Variants in SDK1 observed in about 807,000 individuals in gnomAD.
SDK1 encodes sidekick cell adhesion molecule 1, also known as protein sidekick-1.
Under a neutral mutation model 245.5 loss-of-function variants are expected in SDK1, and 157 were observed. The observed-to-expected ratio is 0.64, with a 90% confidence interval of 0.56 to 0.73. The LOEUF (loss-of-function observed/expected upper bound fraction) is 0.73, where lower values mean the gene tolerates loss of function less well. Among genes scored for constraint, SDK1 ranks in the 30% least tolerant of loss-of-function variants. The pLI is 0.00. For synonymous variants in SDK1, 1,647 were observed against 1,278.5 expected (o/e 1.29, Z -6.15); for missense variants, 3,583 against 3,002.3 (o/e 1.19, Z -4.52).
At chr7:3,576,372 G>A (rs1562574808) in intron 1 of SDK1, among the ~76,000 whole-genome samples, 1 of 152,112 alleles carries the variant, frequency 6.6e-6, no homozygotes, top group South Asian at 2.1e-4. Context: ...CCATCTGCAA[G>A]TGAGATAAGC....
At chr7:3,636,650 ATGC>A (rs1433180519) in intron 2 of SDK1, among the ~76,000 whole-genome samples, 9 of 152,182 alleles carry the variant, frequency 5.9e-5, no homozygotes, top group African/African-American at 2.2e-4. Context: ...ATTGTGGATA[ATGC>A]TGCAGTAGAC....
intron 1 of SDK1, among the ~76,000 whole-genome samples, chr7:3,410,622 T>C (rs1255966993): frequency 6.9e-6 from 1 of 145,582 alleles, no homozygotes; most frequent in Non-Finnish European, 1.5e-5. Context: ...AGTCTTGCTC[T>C]GTCGCCTAGG....
intron 17 of SDK1, among the ~76,000 whole-genome samples, chr7:4,033,827 A>G (rs1302923870): frequency 7.9e-5 from 12 of 152,346 alleles, no homozygotes; most frequent in Non-Finnish European, 1.8e-4. Context: ...GGGAAGAGGC[A>G]TTGCTGCTAG....
chr7:3,706,318 T>C lies in SDK1; in HGVS notation c.713+64213T>C, dbSNP rs189176615. Among the ~76,000 whole-genome samples the C allele has an allele frequency of 1.3e-3, 198 of 152,344 alleles. 1 individual carries two copies. Among genetic ancestry groups the C allele is most frequent in the African/African-American group, 4.6e-3 (193 of 41,580 alleles). On this transcript the variant is annotated intron_variant, in intron 4 of 44. Coordinates refer to ENST00000404826, the MANE Select transcript of SDK1 (RefSeq NM_152744.4). ...GGAGGATTCCCTCTTTCTCAGTCTTTTGGAATAGTTTCAGTAGGATTGGCA... is the reference window on the plus strand; with the variant it reads ...GGAGGATTCCCTCTTTCTCAGTCTTCTGGAATAGTTTCAGTAGGATTGGCA...
intron 1 of SDK1, among the ~76,000 whole-genome samples, chr7:3,454,844 G>A (rs997066927): frequency 1.3e-5 from 2 of 152,088 alleles, no homozygotes; most frequent in Non-Finnish European, 2.9e-5. Context: ...TCTAGGATCT[G>A]TGCCCAAGTG....
At chr7:3,979,567 A>G (rs192783487) in intron 13 of SDK1, among the ~76,000 whole-genome samples, 4 of 152,248 alleles carry the variant, frequency 2.6e-5, no homozygotes, top group South Asian at 2.1e-4. Flanking sequence ...CTTTTGCCCT[A>G]CTGAGGAGGA....
chr7:4,113,978 A>G (rs2128191673), intron 24 of SDK1, 59 bp from the exon 25 acceptor site: 4 of 1,458,872 alleles, frequency 2.7e-6, no homozygotes, highest in Non-Finnish European at 2.9e-6. Context: ...ATCCCTTACA[A>G]CCCGTGAGGG....
chr7:3,726,907 G>T (rs2115036268), intron 4 of SDK1, among the ~76,000 whole-genome samples: 1 of 152,278 alleles, frequency 6.6e-6, no homozygotes, highest in Middle Eastern at 3.4e-3. Flanking sequence ...TCACACCAAA[G>T]AATTTTTGCT....
intron 1 of SDK1, among the ~76,000 whole-genome samples, chr7:3,589,415 G>C (rs1319793371): frequency 7.2e-5 from 11 of 152,202 alleles, no homozygotes; most frequent in Non-Finnish European, 4.4e-5. Flanking sequence ...CCGTGCACCA[G>C]CACCACCTCC....
chr7:4,017,114 A>C, intron 16 of SDK1, 57 bp from the exon 17 acceptor site: 712 of 1,515,320 alleles, frequency 4.7e-4, no homozygotes, highest in Non-Finnish European at 5.8e-4. Flanking sequence ...CTGCGGGTAA[A>C]CACCGTTCCT....
chr7:3,731,100 G>T (rs944678791), intron 4 of SDK1, among the ~76,000 whole-genome samples: 18 of 152,172 alleles, frequency 1.2e-4, no homozygotes, highest in Admixed American at 1.2e-3. Flanking sequence ...AAGCCTCTGG[G>T]TTGGCTAGGT....
intron 5 of SDK1, among the ~76,000 whole-genome samples, chr7:3,886,750 A>G (rs1346687158): frequency 6.6e-6 from 1 of 152,216 alleles, no homozygotes; most frequent in East Asian, 1.9e-4. Context: ...ACCTGTCTCT[A>G]CAAAAAATAT....
At chr7:3,657,099 G>A (rs1190038344) in intron 4 of SDK1, among the ~76,000 whole-genome samples, 1 of 152,134 alleles carries the variant, frequency 6.6e-6, no homozygotes, top group African/African-American at 2.4e-5. Context: ...AAGGAGGAGG[G>A]GGAAAGCTGC....
chr7:4,212,395 G>A (rs1426347121), intron 38 of SDK1, among the ~76,000 whole-genome samples: 4 of 152,056 alleles, frequency 2.6e-5, no homozygotes, highest in African/African-American at 7.2e-5. Flanking sequence ...ATCCCAAATC[G>A]GAGATGTGAA....
At chr7:3,953,441 T>C (rs1049719327) in intron 7 of SDK1, among the ~76,000 whole-genome samples, 5 of 152,192 alleles carry the variant, frequency 3.3e-5, no homozygotes, top group African/African-American at 1.2e-4. Context: ...ATTGCTACCT[T>C]CCCCATCCAT....
intron 1 of SDK1, among the ~76,000 whole-genome samples, chr7:3,337,411 A>T (rs937773472): frequency 1.3e-5 from 2 of 152,142 alleles, no homozygotes; most frequent in African/African-American, 4.8e-5. Context: ...ATGATAAAAG[A>T]GATAACACTT....
chr7:3,583,229 T>C (rs1457659925), intron 1 of SDK1, among the ~76,000 whole-genome samples: 1 of 152,212 alleles, frequency 6.6e-6, no homozygotes, highest in African/African-American at 2.4e-5. Flanking sequence ...TGAGAGTATG[T>C]AAATTTGGCA....
At chr7:3,631,053 C>T (rs1782273938) in intron 2 of SDK1, among the ~76,000 whole-genome samples, 1 of 152,084 alleles carries the variant, frequency 6.6e-6, no homozygotes, top group African/African-American at 2.4e-5. Context: ...CCATCTCAGC[C>T]TCCCAAGTAG....
At chr7:3,388,620 T>C (rs1423408357) in intron 1 of SDK1, among the ~76,000 whole-genome samples, 1 of 152,214 alleles carries the variant, frequency 6.6e-6, no homozygotes, top group Non-Finnish European at 1.5e-5. Flanking sequence ...TAGTTGTGTG[T>C]ACTTTCTAGT....
Sources: gnomAD v4.1 joint callset for allele counts (sites outside exome capture counted in the v4.1 genomes callset) on GRCh38, gnomAD v4.1.1 for gene constraint, MANE v1.5 for transcripts, NCBI Gene and HGNC (gene_info 2026-07-23, HGNC 2026-07-21) for gene names.